Variants in CA10 observed in about 807,000 individuals in gnomAD.
CA10 encodes carbonic anhydrase-related protein 10.
In CA10, 14 loss-of-function variants were observed where a neutral mutation model predicts 44.2. The ratio of observed to expected loss-of-function variants is 0.32; its 90% confidence interval spans 0.21 to 0.50. The LOEUF (loss-of-function observed/expected upper bound fraction) is 0.50, where lower values mean the gene tolerates loss of function less well. Ranked by LOEUF, CA10 falls within the 20% of genes least tolerant of loss-of-function variation. CA10 has a pLI of 0.99. For synonymous variants in CA10, 159 were observed against 141.6 expected (o/e 1.12, Z -0.87); for missense variants, 350 against 409.7 (o/e 0.85, Z 1.26).
At chr17:51,633,157 T>C (rs990604392) in intron 8 of CA10, among the ~76,000 whole-genome samples, 2 of 152,188 alleles carry the variant, frequency 1.3e-5, no homozygotes, top group African/African-American at 4.8e-5. Flanking sequence ...AGGTTTGATA[T>C]ATGTGTTTAA....
intron 1 of CA10, among the ~76,000 whole-genome samples, chr17:52,090,071 A>G (rs1301492460): frequency 1.3e-5 from 2 of 152,182 alleles, no homozygotes; most frequent in African/African-American, 4.8e-5. Flanking sequence ...GTATAGTTGT[A>G]AACAAACAAG....
At chr17:52,150,969 A>G (rs1433163358) in intron 1 of CA10, among the ~76,000 whole-genome samples, 1 of 152,168 alleles carries the variant, frequency 6.6e-6, no homozygotes, top group African/African-American at 2.4e-5. Flanking sequence ...ATGTCCCATA[A>G]TGGGCAAATT....
chr17:51,665,904 G>C (rs553057455), intron 4 of CA10, among the ~76,000 whole-genome samples: 1 of 152,190 alleles, frequency 6.6e-6, no homozygotes, highest in African/African-American at 2.4e-5. Context: ...TTTATGCCTG[G>C]GGTTGCAAAT....
intron 4 of CA10, among the ~76,000 whole-genome samples, chr17:51,732,681 A>G (rs1916762311): frequency 6.6e-6 from 1 of 152,176 alleles, no homozygotes; most frequent in Non-Finnish European, 1.5e-5. Context: ...TGATTGGGTC[A>G]GAGAGGACAT....
intron 3 of CA10, among the ~76,000 whole-genome samples, chr17:51,871,852 C>A (rs1979831850): frequency 1.3e-5 from 2 of 152,146 alleles, no homozygotes; most frequent in South Asian, 4.1e-4. Flanking sequence ...ACCACCACTA[C>A]CCTGAGAGAG....
At chr17:51,720,964 C>T (rs898611575) in intron 4 of CA10, among the ~76,000 whole-genome samples, 7 of 152,308 alleles carry the variant, frequency 4.6e-5, no homozygotes, top group Middle Eastern at 3.4e-3. Flanking sequence ...ACTCTTTCTA[C>T]AATGTATGCC....
chr17:51,831,725 A>AGCGGCAGCG (rs1908278309), intron 3 of CA10, among the ~76,000 whole-genome samples: 2 of 126,158 alleles, frequency 1.6e-5, no homozygotes, highest in South Asian at 2.5e-4. Context: ...CAGCAGCAGC[A>AGCGGCAGCG]GCAGCAGAAA....
chr17:51,888,658 A>C (rs1567874237), intron 3 of CA10, among the ~76,000 whole-genome samples: 1 of 152,198 alleles, frequency 6.6e-6, no homozygotes, highest in Non-Finnish European at 1.5e-5. Context: ...GTAGGATGGG[A>C]GAGGAGTTTA....
chr17:52,051,388 G>T (rs1046417790), intron 2 of CA10, among the ~76,000 whole-genome samples: 2 of 151,318 alleles, frequency 1.3e-5, no homozygotes, highest in African/African-American at 4.9e-5. Flanking sequence ...GAAAAATTTT[G>T]CAAACTACAC....
chr17:51,898,403 A>G (rs1373305176), intron 3 of CA10, among the ~76,000 whole-genome samples: 2 of 152,122 alleles, frequency 1.3e-5, no homozygotes, highest in Non-Finnish European at 2.9e-5. Flanking sequence ...GGTAAAACCT[A>G]CTTTATCATG....
In CA10 at chr17:52,014,629, T is replaced by C. The variant is rs8077117; in HGVS notation, c.136+57690A>G. Among the ~76,000 whole-genome samples, 570 of 152,200 alleles carry C rather than the reference T, an allele frequency of 3.7e-3. 7 individuals are homozygous for C. Among genetic ancestry groups the C allele is most frequent in the South Asian group, 0.022 (105 of 4,824 alleles). ...GTTAGTTAAGTAGATAAATGTGACA[T>C]ATTAACATTTTAAATCGTCTGTATA... On this transcript the variant is annotated intron_variant, in intron 2 of 8. Transcript: ENST00000451037.
chr17:51,671,314 C>A (rs532520716), intron 4 of CA10, among the ~76,000 whole-genome samples: 13 of 152,296 alleles, frequency 8.5e-5, no homozygotes, highest in Admixed American at 6.5e-4. Context: ...TCTCTCACCT[C>A]CTCCTTTACA....
chr17:51,947,604 A>C (rs1407176686), intron 2 of CA10, among the ~76,000 whole-genome samples: 4 of 152,212 alleles, frequency 2.6e-5, no homozygotes, highest in Admixed American at 2.6e-4. Context: ...GGGTGAAACT[A>C]CACATGCAAA....
intron 1 of CA10, among the ~76,000 whole-genome samples, chr17:52,082,517 T>C (rs965449042): frequency 6.6e-6 from 1 of 152,222 alleles, no homozygotes. Flanking sequence ...ATCTAGTTGT[T>C]TGAATACTGC....
At chr17:52,014,273 G>T (rs1378884805) in intron 2 of CA10, among the ~76,000 whole-genome samples, 3 of 151,910 alleles carry the variant, frequency 2.0e-5, no homozygotes, top group Admixed American at 6.6e-5. Flanking sequence ...ACCCATACAA[G>T]TATAAGTTAT....
chr17:51,806,923 T>A (rs1300738432), intron 3 of CA10, among the ~76,000 whole-genome samples: 1 of 152,192 alleles, frequency 6.6e-6, no homozygotes, highest in Non-Finnish European at 1.5e-5. Flanking sequence ...AAGAGTTCCC[T>A]TGAGAGTGAC....
chr17:52,050,928 C>G (rs1054700874), intron 2 of CA10, among the ~76,000 whole-genome samples: 1 of 151,534 alleles, frequency 6.6e-6, no homozygotes, highest in African/African-American at 2.4e-5. Context: ...CTGCTATACA[C>G]CCAGACCCTG....
At chr17:51,716,530 C>T (rs1268880370) in intron 4 of CA10, among the ~76,000 whole-genome samples, 1 of 152,158 alleles carries the variant, frequency 6.6e-6, no homozygotes, top group African/African-American at 2.4e-5. Context: ...TCTGTCCCCT[C>T]CTGGTTCTTG....
chr17:51,700,312 C>T (rs1036182350), intron 4 of CA10, among the ~76,000 whole-genome samples: 6 of 152,162 alleles, frequency 3.9e-5, no homozygotes, highest in African/African-American at 1.4e-4. Flanking sequence ...CAGATAATAT[C>T]GCTGCACTGC....
Sources: allele counts gnomAD v4.1 joint callset (sites outside exome capture counted in the v4.1 genomes callset), GRCh38; gene constraint gnomAD v4.1.1; transcripts MANE v1.5; gene names NCBI Gene and HGNC (gene_info 2026-07-23, HGNC 2026-07-21).